Variants in GPR63 observed in about 807,000 individuals in gnomAD.
GPR63 encodes G protein-coupled receptor 63.
Under a neutral mutation model 23.1 loss-of-function variants are expected in GPR63, and 12 were observed. The ratio of observed to expected loss-of-function variants is 0.52; its 90% CI spans 0.33 to 0.84. The LOEUF (loss-of-function observed/expected upper bound fraction) is 0.84. Among genes scored for constraint, GPR63 ranks in the 40% least tolerant of loss-of-function variants. The pLI is 0.02. For synonymous variants in GPR63, 172 were observed against 191.1 expected, an observed-to-expected ratio of 0.90 and a Z score of 0.82; for missense variants, 472 against 515.6, an observed-to-expected ratio of 0.92 and a Z score of 0.82.
chr6:96,809,175 T>G (rs1289260137), intron 1 of GPR63, among the ~76,000 whole-genome samples: 4 of 152,160 alleles, frequency 2.6e-5, no homozygotes, highest in African/African-American at 4.8e-5. Flanking sequence ...TGGAGTACAC[T>G]GGCTTTACCA....
intron 1 of GPR63, among the ~76,000 whole-genome samples, chr6:96,806,344 C>T (rs780144318): frequency 9.2e-5 from 14 of 152,200 alleles, no homozygotes; most frequent in Non-Finnish European, 1.9e-4. Context: ...CAGCATCTAG[C>T]TGGCTTTTCT....
intron 1 of GPR63, among the ~76,000 whole-genome samples, chr6:96,803,220 C>T (rs1773815571): frequency 6.6e-6 from 1 of 152,160 alleles, no homozygotes; most frequent in Admixed American, 6.5e-5. Flanking sequence ...ATGCAGAAGA[C>T]TCAAAGGCTG....
intron 1 of GPR63, among the ~76,000 whole-genome samples, chr6:96,833,704 G>A (rs1774648717): frequency 2.0e-5 from 3 of 152,132 alleles, no homozygotes; most frequent in Admixed American, 2.0e-4. Context: ...GGTATGTAAA[G>A]CTTATAACTA....
intron 1 of GPR63, among the ~76,000 whole-genome samples, chr6:96,833,149 T>C (rs1443167960): frequency 1.3e-5 from 2 of 152,214 alleles, no homozygotes. Context: ...ATGGAGTAAG[T>C]TACAATGATG....
At chr6:96,823,370 T>G (rs1167368975) in intron 1 of GPR63, among the ~76,000 whole-genome samples, 1 of 152,062 alleles carries the variant, frequency 6.6e-6, no homozygotes, top group Non-Finnish European at 1.5e-5. Flanking sequence ...TGTGTAGGCC[T>G]AAGTTATTGT....
At chr6:96,829,031 C>T (rs764591071) in intron 1 of GPR63, among the ~76,000 whole-genome samples, 34 of 151,982 alleles carry the variant, frequency 2.2e-4, no homozygotes, top group Admixed American at 3.9e-4. Context: ...GTGAATTAAC[C>T]AGATGAAAAT....
At chr6:96,817,657 C>T (rs1196100465) in intron 1 of GPR63, among the ~76,000 whole-genome samples, 1 of 151,988 alleles carries the variant, frequency 6.6e-6, no homozygotes, top group Non-Finnish European at 1.5e-5. Context: ...TACTACACAG[C>T]CACGAAAATG....
intron 1 of GPR63, among the ~76,000 whole-genome samples, chr6:96,833,468 T>G (rs1231566171): frequency 6.6e-6 from 1 of 152,216 alleles, no homozygotes; most frequent in Non-Finnish European, 1.5e-5. Context: ...TGTTTTATAT[T>G]GTATAAAGTA....
intron 1 of GPR63, among the ~76,000 whole-genome samples, chr6:96,802,570 C>T (rs1277453341): frequency 2.1e-5 from 3 of 142,390 alleles, no homozygotes; most frequent in East Asian, 4.1e-4. Flanking sequence ...GACAGAGTCT[C>T]GCTCTGTCAC....
In GPR63 at chr6:96,818,179, TG is replaced by T. The variant is rs1774211489; in HGVS notation, c.-150-18299del. ...TGAGCAAAAAGTTAAAAAAATTTCA[TG>T]GCCAGGCGTGGTGGCTCAGGCCTGT... On this transcript the variant is annotated intron_variant, in intron 1 of 1. Coordinates refer to ENST00000229955, the MANE Select transcript of GPR63 (RefSeq NM_030784.4). 5.3e-5 allele frequency among the ~76,000 whole-genome samples: 8 copies of T among 152,082 alleles called. No individual in the cohort carries two copies. The South Asian group carries it at 1.7e-3, about 32-fold the overall frequency.
chr6:96,802,038 T>C (rs956312466), intron 1 of GPR63, among the ~76,000 whole-genome samples: 4 of 152,198 alleles, frequency 2.6e-5, no homozygotes, highest in African/African-American at 9.6e-5. Flanking sequence ...AGAAAAATTA[T>C]AAATAGACAA....
intron 1 of GPR63, among the ~76,000 whole-genome samples, chr6:96,811,884 A>G (rs1231493088): frequency 7.1e-6 from 1 of 139,882 alleles, no homozygotes; most frequent in East Asian, 2.1e-4. Context: ...AAATAAATAA[A>G]TAAATAAAAT....
intron 1 of GPR63, among the ~76,000 whole-genome samples, chr6:96,801,410 G>T (rs970832996): frequency 1.3e-5 from 2 of 152,064 alleles, no homozygotes; most frequent in Non-Finnish European, 2.9e-5. Context: ...TGTTGGTCAG[G>T]CTGGTCTCGA....
In GPR63 at chr6:96,797,157, G is replaced by A. The variant is rs975476308; in HGVS notation, c.*1315C>T. The A allele has an allele frequency of 3.3e-5, 5 of 152,108 alleles. No individual in the cohort carries two copies. Among genetic ancestry groups the A allele is most frequent in the Admixed American group, 2.6e-4 (4 of 15,276 alleles). The allele number at this position is 152,108 out of a possible 1,614,324, so 9.4% of individuals were successfully genotyped here. A position where few individuals can be genotyped will look rare whatever the true frequency, so the allele number is the denominator to read the frequency against. The stretch of plus-strand genomic sequence containing the variant: ...GAGACAGGAGGATTACCTGAGCCTG[G>A]GAGGTTGAGGCTACAATGAGCCATG... On this transcript the variant is annotated 3_prime_UTR_variant, in exon 2 of 2. Coordinates refer to ENST00000229955, the MANE Select transcript of GPR63 (RefSeq NM_030784.4).
intron 1 of GPR63, among the ~76,000 whole-genome samples, chr6:96,813,284 T>G (rs1774088216): frequency 6.6e-6 from 1 of 152,182 alleles, no homozygotes; most frequent in Non-Finnish European, 1.5e-5. Flanking sequence ...CTATTGTGAA[T>G]ACTGCTATGA....
Position 96,794,401 on chromosome 6 carries a change from G to A in GPR63, c.*4071C>T, listed in dbSNP as rs530802006. On this transcript the variant is annotated 3_prime_UTR_variant, in exon 2 of 2. Coordinates refer to ENST00000229955, the MANE Select transcript of GPR63 (RefSeq NM_030784.4). The stretch of plus-strand genomic sequence containing the variant: ...CATAAAAACTGAGTTTTCAATGAAG[G>A]CAGTTTAGCAGGACTATAGTTGTGA... 1 of 152,124 alleles carries A rather than the reference G, an allele frequency of 6.6e-6. No homozygotes were observed. Among genetic ancestry groups the A allele is most frequent in the South Asian group, 2.1e-4 (1 of 4,822 alleles). The allele number at this position is 152,124 out of a possible 1,614,324, so 9.4% of individuals were successfully genotyped here. A position where few individuals can be genotyped will look rare whatever the true frequency, so the allele number is the denominator to read the frequency against.
chr6:96,818,354 T>C (rs1160941685), intron 1 of GPR63, among the ~76,000 whole-genome samples: 6 of 152,008 alleles, frequency 3.9e-5, no homozygotes. Flanking sequence ...TCCCAGCTAC[T>C]TGGGAGGCTG....
Position 96,796,276 on chromosome 6 carries a change from T to C in GPR63, c.*2196A>G, listed in dbSNP as rs190759279. On this transcript the variant is annotated 3_prime_UTR_variant, in exon 2 of 2. Transcript: ENST00000229955. ...GGCTCTTCAAAAATCTATACCCTAG[T>C]ATAGAGGAAAGCACATTTGAGCTGG... 10 of 152,296 alleles carry C rather than the reference T, an allele frequency of 6.6e-5. No individual in the cohort carries two copies. The highest frequency in any genetic ancestry group is 5.2e-4 in the Admixed American group (8 of 15,296). 9.4% of individuals were successfully genotyped at this position (152,296 alleles called of 1,614,324 possible).
In GPR63 at chr6:96,796,858, A is replaced by C. The variant is rs1437363163; in HGVS notation, c.*1614T>G. ...TTTGCAAATCAAAAACAAAAAAAAAAATCACTGGTTTTGCTTCACAGCCTT... is the reference window on the plus strand; with the variant it reads ...TTTGCAAATCAAAAACAAAAAAAAACATCACTGGTTTTGCTTCACAGCCTT... On this transcript the variant is annotated 3_prime_UTR_variant, in exon 2 of 2. Coordinates refer to ENST00000229955, the MANE Select transcript of GPR63 (RefSeq NM_030784.4). The C allele has an allele frequency of 6.6e-6, 1 of 152,226 alleles. No homozygotes were observed. The highest frequency in any genetic ancestry group is 1.5e-5 in the Non-Finnish European group (1 of 68,040). The allele number at this position is 152,226 out of a possible 1,614,324, so 9.4% of individuals were successfully genotyped here.
Sources: gnomAD v4.1 joint callset for allele counts (sites outside exome capture counted in the v4.1 genomes callset) on GRCh38, gnomAD v4.1.1 for gene constraint, MANE v1.5 for transcripts, NCBI Gene and HGNC (gene_info 2026-07-23, HGNC 2026-07-21) for gene names.